CNOT4: variants seen among roughly 807,000 people sequenced by gnomAD.
CNOT4 encodes the protein CCR4-associated factor 4.
CNOT4 carries 8 observed loss-of-function variants against 73.8 expected under a neutral mutation model. The observed-to-expected ratio is 0.11, with a 90% CI of 0.06 to 0.20. The LOEUF is 0.20. Ranked by LOEUF, CNOT4 falls within the 10% of genes least tolerant of loss-of-function variation. The pLI, the probability that CNOT4 is intolerant of heterozygous loss-of-function variation, is 1.00. For synonymous variants in CNOT4, 293 were observed against 321.1 expected (o/e 0.91, Z 0.94); for missense variants, 564 against 883.4 (o/e 0.64, Z 4.58).
At chr7:135,375,481 A>G (rs1481092187) in intron 10 of CNOT4, among the ~76,000 whole-genome samples, 2 of 152,232 alleles carry the variant, frequency 1.3e-5, no homozygotes, top group Non-Finnish European at 2.9e-5. Context: ...AGGAGTACAC[A>G]CAAAGCATTC....
At chr7:135,473,530 T>A (rs1051944365) in intron 1 of CNOT4, among the ~76,000 whole-genome samples, 1 of 152,174 alleles carries the variant, frequency 6.6e-6, no homozygotes, top group Admixed American at 6.5e-5. Flanking sequence ...GTGGATCCCT[T>A]GAGCCCACGA....
At chr7:135,448,292 C>G (rs1247666694) in intron 1 of CNOT4, among the ~76,000 whole-genome samples, 1 of 152,112 alleles carries the variant, frequency 6.6e-6, no homozygotes, top group Non-Finnish European at 1.5e-5. Flanking sequence ...CGCCTGTAAT[C>G]CCAGCACTTT....
intron 3 of CNOT4, among the ~76,000 whole-genome samples, chr7:135,419,551 T>C (rs1053244517): frequency 5.3e-5 from 8 of 152,200 alleles, no homozygotes; most frequent in Admixed American, 6.5e-5. Flanking sequence ...ACCCATTTAT[T>C]TTATTTAAGA....
At chr7:135,472,969 A>G (rs1250787507) in intron 1 of CNOT4, among the ~76,000 whole-genome samples, 2 of 151,868 alleles carry the variant, frequency 1.3e-5, no homozygotes, top group Non-Finnish European at 2.9e-5. Context: ...TGAATCCGGG[A>G]GGCCGAGGGT....
intron 1 of CNOT4, among the ~76,000 whole-genome samples, chr7:135,443,651 C>A (rs2129485562): frequency 6.6e-6 from 1 of 152,252 alleles, no homozygotes; most frequent in East Asian, 1.9e-4. Flanking sequence ...TACTTGAGTT[C>A]TTGTTCTCTA....
At chr7:135,440,495 G>A (rs1288600471) in intron 1 of CNOT4, among the ~76,000 whole-genome samples, 1 of 152,026 alleles carries the variant, frequency 6.6e-6, no homozygotes, top group Non-Finnish European at 1.5e-5. Flanking sequence ...ATTCCTTCTA[G>A]GAAGTTTTAG....
At chr7:135,395,608 T>G in intron 9 of CNOT4, 26 bp downstream of exon 9, 1 of 1,599,152 alleles carries the variant, frequency 6.3e-7, no homozygotes, top group Non-Finnish European at 8.5e-7. Context: ...GCATAATTAC[T>G]AATACTTGGT....
chr7:135,362,857 G>T lies in CNOT4; in HGVS notation c.*28C>A. On this transcript the variant is annotated 3_prime_UTR_variant, in exon 12 of 12. Coordinates refer to ENST00000541284, the MANE Select transcript of CNOT4 (RefSeq NM_001190850.2). ...GAGAAAACAGAGTGGGACAAATCCT[G>T]CATTTTCTAATGGTTGCTCCTCTTT... is the stretch of plus-strand genomic sequence containing the variant. 1.3e-6 allele frequency: 2 copies of T among 1,592,082 alleles called. No individual in the cohort carries two copies. Among genetic ancestry groups the T allele is most frequent in the Non-Finnish European group, 1.7e-6 (2 of 1,160,052 alleles).
intron 10 of CNOT4, among the ~76,000 whole-genome samples, chr7:135,390,764 C>A (rs1028123525): frequency 5.9e-5 from 9 of 152,094 alleles, no homozygotes; most frequent in Non-Finnish European, 1.2e-4. Context: ...AGTAGACATT[C>A]TATCTGTATG....
intron 10 of CNOT4, chr7:135,388,817 T>C (rs1400626852): frequency 1.2e-6 from 2 of 1,613,108 alleles, no homozygotes; most frequent in Non-Finnish European, 8.5e-7. Context: ...GTGTGGAGAC[T>C]TGTAGGCTGC....
intron 2 of CNOT4, among the ~76,000 whole-genome samples, chr7:135,432,838 C>A (rs1269849413): frequency 6.6e-6 from 1 of 152,192 alleles, no homozygotes; most frequent in Non-Finnish European, 1.5e-5. Flanking sequence ...AAATTAATTT[C>A]CTTCAGAAGT....
chr7:135,413,016 T>C (rs1306092751), intron 6 of CNOT4, among the ~76,000 whole-genome samples: 2 of 152,040 alleles, frequency 1.3e-5, no homozygotes, highest in African/African-American at 4.8e-5. Flanking sequence ...GTAAAAATAA[T>C]ATTAGTTTAT....
intron 4 of CNOT4, among the ~76,000 whole-genome samples, chr7:135,414,892 C>G (rs182563891): frequency 1.7e-4 from 26 of 152,142 alleles, no homozygotes; most frequent in African/African-American, 6.0e-4. Flanking sequence ...AAATCACTAT[C>G]GAATCCTCAT....
intron 3 of CNOT4, among the ~76,000 whole-genome samples, chr7:135,421,219 T>C (rs1364623112): frequency 6.6e-6 from 1 of 152,204 alleles, no homozygotes; most frequent in Non-Finnish European, 1.5e-5. Flanking sequence ...TTAGACTCCT[T>C]AAAGATCCTC....
At chr7:135,470,910 G>A (rs1025298972) in intron 1 of CNOT4, among the ~76,000 whole-genome samples, 1 of 152,140 alleles carries the variant, frequency 6.6e-6, no homozygotes, top group African/African-American at 2.4e-5. Context: ...GGTTACACAG[G>A]TGCATGCATT....
At chr7:135,448,241 G>T (rs1799945571) in intron 1 of CNOT4, among the ~76,000 whole-genome samples, 1 of 152,074 alleles carries the variant, frequency 6.6e-6, no homozygotes, top group Non-Finnish European at 1.5e-5. Flanking sequence ...AAAATTACGA[G>T]CCATGTAAAG....
intron 1 of CNOT4, among the ~76,000 whole-genome samples, chr7:135,470,138 G>GC (rs1466281503): frequency 1.3e-5 from 2 of 149,698 alleles, no homozygotes; most frequent in Non-Finnish European, 3.0e-5. Flanking sequence ...TGTTTTTTTG[G>GC]GGGGGGAGGC....
chr7:135,465,974 G>A (rs1801196003), intron 1 of CNOT4, among the ~76,000 whole-genome samples: 1 of 151,294 alleles, frequency 6.6e-6, no homozygotes, highest in African/African-American at 2.4e-5. Flanking sequence ...GCTTGAACCT[G>A]GGAGGCAGAG....
At chr7:135,384,379 G>A (rs893242238) in intron 10 of CNOT4, 2 of 294,222 alleles carry the variant, frequency 6.8e-6, no homozygotes, top group African/African-American at 4.5e-5. Context: ...CCACCTCCTG[G>A]GTTCGCGCCA....
Sources: gnomAD v4.1 joint callset for allele counts (sites outside exome capture counted in the v4.1 genomes callset) on GRCh38, gnomAD v4.1.1 for gene constraint, MANE v1.5 for transcripts, NCBI Gene and HGNC (gene_info 2026-07-23, HGNC 2026-07-21) for gene names.